Variants in AK9 observed in about 807,000 individuals in gnomAD.
AK9 encodes adenylate kinase domain containing 1.
Under a neutral mutation model 239.6 loss-of-function variants are expected in AK9, and 191 were observed. That is an observed-to-expected ratio of 0.80 (90% CI 0.71 to 0.90). The LOEUF (loss-of-function observed/expected upper bound fraction) is 0.90. Among genes scored for constraint, AK9 ranks in the 40% least tolerant of loss-of-function variants. The probability of loss-of-function intolerance (pLI) is 0.00; values close to 1 mark genes in which losing one functional copy is unlikely to be tolerated. For synonymous variants in AK9, 689 were observed against 721.0 expected, an observed-to-expected ratio of 0.96 and a Z score of 0.71; for missense variants, 1,995 against 2,214.7, an observed-to-expected ratio of 0.90 and a Z score of 1.99.
intron 12 of AK9, among the ~76,000 whole-genome samples, chr6:109,627,927 G>T (rs939105554): frequency 2.0e-5 from 3 of 152,180 alleles, no homozygotes; most frequent in Non-Finnish European, 4.4e-5. Flanking sequence ...TGGGATTACA[G>T]GCCACTGCAA....
intron 10 of AK9, among the ~76,000 whole-genome samples, chr6:109,636,339 T>C (rs1235084507): frequency 6.6e-6 from 1 of 152,198 alleles, no homozygotes; most frequent in Non-Finnish European, 1.5e-5. Flanking sequence ...CTTCCTGAGC[T>C]GCATAGTAGA....
intron 17 of AK9, among the ~76,000 whole-genome samples, chr6:109,598,438 G>C (rs981067296): frequency 2.2e-4 from 33 of 152,280 alleles, no homozygotes; most frequent in African/African-American, 7.9e-4. Context: ...ATTCCATGGT[G>C]TATATGTGCC....
At chr6:109,660,143 G>T (rs908842208) in intron 6 of AK9, among the ~76,000 whole-genome samples, 3 of 152,170 alleles carry the variant, frequency 2.0e-5, no homozygotes, top group Admixed American at 2.0e-4. Context: ...AGGTCACAAT[G>T]TCACATGGAG....
At chr6:109,532,091 G>T (rs950848554) in intron 28 of AK9, among the ~76,000 whole-genome samples, 3 of 152,194 alleles carry the variant, frequency 2.0e-5, no homozygotes, top group Admixed American at 6.5e-5. Context: ...TTGGTGTTAA[G>T]ATGTGAGAAT....
chr6:109,643,756 G>C (rs186627493), intron 9 of AK9, among the ~76,000 whole-genome samples: 1 of 151,856 alleles, frequency 6.6e-6, no homozygotes, highest in Non-Finnish European at 1.5e-5. Context: ...ATCCTCCTAC[G>C]TTCCAGTCCT....
chr6:109,557,084 A>T (rs1170021440), intron 24 of AK9, among the ~76,000 whole-genome samples: 5 of 151,958 alleles, frequency 3.3e-5, no homozygotes, highest in Non-Finnish European at 7.4e-5. Flanking sequence ...TTGGGTTTTC[A>T]GCATTTTCTC....
intron 24 of AK9, among the ~76,000 whole-genome samples, chr6:109,557,779 T>C (rs1785186880): frequency 6.6e-6 from 1 of 152,230 alleles, no homozygotes; most frequent in Admixed American, 6.5e-5. Context: ...CTGGGTGCTA[T>C]GGTAGGTGTA....
intron 1 of AK9, among the ~76,000 whole-genome samples, chr6:109,686,306 C>G (rs961436163): frequency 1.3e-5 from 2 of 152,204 alleles, no homozygotes; most frequent in African/African-American, 4.8e-5. Context: ...GGTCTTATTA[C>G]TTTGGTAAAG....
intron 7 of AK9, among the ~76,000 whole-genome samples, chr6:109,658,418 A>G (rs1799983201): frequency 6.6e-6 from 1 of 152,182 alleles, no homozygotes; most frequent in African/African-American, 2.4e-5. Flanking sequence ...TAACAAAAGT[A>G]ACATAATTTC....
chr6:109,663,463 T>C (rs960265910), intron 5 of AK9, among the ~76,000 whole-genome samples: 1 of 152,208 alleles, frequency 6.6e-6, no homozygotes, highest in Non-Finnish European at 1.5e-5. Flanking sequence ...ACCCTGTCAC[T>C]GCAAGGACAA....
chr6:109,605,435 T>C (rs1053928891), intron 17 of AK9, among the ~76,000 whole-genome samples: 2 of 152,184 alleles, frequency 1.3e-5, no homozygotes, highest in Admixed American at 6.5e-5. Context: ...AGTTTTTTCT[T>C]GCTATTTTTT....
At position 109,633,069 on chromosome 6, in the gene AK9, C is replaced by T. The variant is rs776330013; in HGVS notation, c.1108G>A (p.Glu370Lys). Residue 370 changes from glutamate (E) to lysine (K), a missense_variant, in exon 12 of 41, where the codon GAA becomes AAA. Around this residue, in one of 5 missense-constraint regions of AK9, gnomAD observed 1,290 missense variants for 1,392.7 expected, o/e 0.93. Transcript: ENST00000424296. ...TTCAACAAAAATGGTTTTAATGCTT[C>T]TTCTGATGAAAGACAGTAGATTTTA... ...LGKIYCLSSE[E>K]ALKPFLLNPR... 9 of 1,554,452 alleles carry T rather than the reference C, an allele frequency of 5.8e-6. No homozygotes were observed. The highest frequency in any genetic ancestry group is 1.4e-5 in the African/African-American group (1 of 72,338).
At chr6:109,527,840 T>C (rs1051592628) in intron 29 of AK9, 5 of 151,876 alleles carry the variant, frequency 3.3e-5, no homozygotes, top group African/African-American at 7.3e-5. Flanking sequence ...AATGAAAAAA[T>C]TATAAAGAAC....
chr6:109,497,587 A>G, intron 37 of AK9, 24 bp from the exon 38 acceptor site: 7 of 1,500,236 alleles, frequency 4.7e-6, no homozygotes, highest in Non-Finnish European at 6.4e-6. Flanking sequence ...AAACAAAACA[A>G]AACCTCTATT....
chr6:109,495,369 G>C lies in AK9; in HGVS notation c.5387C>G (p.Thr1796Ser). Reference protein sequence around the residue: ...LPPLREPILLTSLPLPGYLEQ... With the variant: ...LPPLREPILLSSLPLPGYLEQ... ...CAGATATCCAGGCAAAGGAAGACTA[G>C]TAAGAAGTATCGGTTCCCTTAATGG... The change falls in exon 39 of 41, where the codon ACT becomes AGT. Residue 1796 changes from threonine (T) to serine (S), a missense_variant. Physicochemically the swap from Thr to Ser is moderately conservative, Grantham distance 58. Around this residue, in one of 5 missense-constraint regions of AK9, gnomAD observed 391 missense variants for 456.0 expected, o/e 0.86. Transcript: ENST00000424296. 3.1e-6 allele frequency: 5 copies of C among 1,613,858 alleles called. No homozygotes were observed. The highest frequency in any genetic ancestry group is 4.2e-6 in the Non-Finnish European group (5 of 1,179,886).
At chr6:109,677,836 A>G (rs1771991044) in intron 1 of AK9, among the ~76,000 whole-genome samples, 1 of 152,236 alleles carries the variant, frequency 6.6e-6, no homozygotes, top group South Asian at 2.1e-4. Flanking sequence ...ATCACTAGCC[A>G]TTAGAGAAAT....
intron 35 of AK9, among the ~76,000 whole-genome samples, chr6:109,506,002 C>T (rs1295891806): frequency 1.3e-5 from 2 of 152,052 alleles, no homozygotes; most frequent in Non-Finnish European, 2.9e-5. Flanking sequence ...AAGCAGGCTC[C>T]CTCAAGCCTC....
At chr6:109,535,182 C>G (rs935758975) in intron 27 of AK9, among the ~76,000 whole-genome samples, 1 of 152,222 alleles carries the variant, frequency 6.6e-6, no homozygotes, top group Non-Finnish European at 1.5e-5. Flanking sequence ...AATCGCCACA[C>G]TGTCTTCCAC....
chr6:109,645,012 T>G (rs1333286248), intron 8 of AK9, among the ~76,000 whole-genome samples: 1 of 152,258 alleles, frequency 6.6e-6, no homozygotes, highest in Admixed American at 6.5e-5. Context: ...CATGGAAGCA[T>G]CTGATTAAAC....
Sources: allele counts gnomAD v4.1 joint callset (sites outside exome capture counted in the v4.1 genomes callset), GRCh38; gene constraint gnomAD v4.1.1; regional missense constraint gnomAD v4.1.1; transcripts MANE v1.5; gene names NCBI Gene and HGNC (gene_info 2026-07-23, HGNC 2026-07-21).